Variants in GAS7 observed in about 807,000 individuals in gnomAD.
The protein encoded by GAS7 is growth arrest specific 7.
In GAS7, 28 loss-of-function variants were observed where a neutral mutation model predicts 71.1. The ratio of observed to expected loss-of-function variants is 0.39; its 90% CI spans 0.29 to 0.54. GAS7 has a LOEUF of 0.54. Among genes scored for constraint, GAS7 ranks in the 20% least tolerant of loss-of-function variants. The probability of loss-of-function intolerance (pLI) is 0.62; values close to 1 mark genes in which losing one functional copy is unlikely to be tolerated. For synonymous variants in GAS7, 258 were observed against 245.8 expected (o/e 1.05, Z -0.46); for missense variants, 436 against 627.8 (o/e 0.69, Z 3.27).
In GAS7 at chr17:10,039,063, G is replaced by A. The variant is rs969769587; in HGVS notation, c.184-19166C>T. On this transcript the variant is annotated intron_variant, in intron 1 of 13. Transcript: ENST00000432992. ...GGGCAGGGAATGATGGGAAGTTTGT[G>A]TTTAATGGGTCCAGAGTGTCACTGG... is the stretch of plus-strand genomic sequence containing the variant. 2.6e-5 allele frequency among the ~76,000 whole-genome samples: 4 copies of A among 152,048 alleles called. No homozygotes were observed. The East Asian group carries it at 7.7e-4, about 29-fold the overall frequency.
At chr17:10,124,283 C>G (rs1286427761) in intron 1 of GAS7, among the ~76,000 whole-genome samples, 1 of 152,258 alleles carries the variant, frequency 6.6e-6, no homozygotes, top group Non-Finnish European at 1.5e-5. Context: ...CCCTCCCTCA[C>G]TCTGCAAGAC....
chr17:10,056,459 C>T lies in GAS7; in HGVS notation c.184-36562G>A, dbSNP rs542760567. Among the ~76,000 whole-genome samples, 13 of 152,096 alleles carry T rather than the reference C, an allele frequency of 8.5e-5. No homozygotes were observed. In the East Asian group the frequency reaches 1.9e-3, roughly 23 times the overall value. ...GCAATGAACTATGAGCATGCCACTGCACTTCAGGCTGGGGAACAGAGTGAG... is the reference window on the plus strand; with the variant it reads ...GCAATGAACTATGAGCATGCCACTGTACTTCAGGCTGGGGAACAGAGTGAG... On this transcript the variant is annotated intron_variant, in intron 1 of 13. Transcript: ENST00000432992.
chr17:10,026,020 C>G lies in GAS7; in HGVS notation c.184-6123G>C, dbSNP rs1402447303. 5.1e-6 allele frequency: 1 copy of G among 197,962 alleles called. No individual in the cohort carries two copies. Among genetic ancestry groups the G allele is most frequent in the Non-Finnish European group, 9.0e-6 (1 of 111,020 alleles). 12.3% of individuals were successfully genotyped at this position (197,962 alleles called of 1,614,324 possible). On this transcript the variant is annotated intron_variant, in intron 1 of 13. Transcript: ENST00000432992. The surrounding 1 kb of genome is among the most constrained non-coding windows in gnomAD (Gnocchi z 4.5). ...GGAGGTTGTCTCTGCAGCCTCCAGG[C>G]AGTACAGACCCTGCTACTCCGCTCC...
At chr17:9,991,200 C>A (rs1432729422) in intron 2 of GAS7, among the ~76,000 whole-genome samples, 1 of 152,192 alleles carries the variant, frequency 6.6e-6, no homozygotes, top group Non-Finnish European at 1.5e-5. Context: ...CCTGCCTCAC[C>A]CCTCCTTTTG....
At chr17:9,967,565 G>T (rs944310340) in intron 4 of GAS7, among the ~76,000 whole-genome samples, 14 of 113,286 alleles carry the variant, frequency 1.2e-4, no homozygotes, top group African/African-American at 4.8e-4. Context: ...GATAAGTATA[G>T]ATTTCCTTCT....
intron 1 of GAS7, among the ~76,000 whole-genome samples, chr17:10,163,741 C>G (rs1000643967): frequency 7.9e-5 from 12 of 152,064 alleles, no homozygotes; most frequent in Non-Finnish European, 1.8e-4. Flanking sequence ...AGACTTTCCC[C>G]ATGGGGCGGC....
At chr17:10,087,807 T>C (rs1055366941) in intron 1 of GAS7, among the ~76,000 whole-genome samples, 3 of 151,884 alleles carry the variant, frequency 2.0e-5, no homozygotes, top group African/African-American at 7.3e-5. Context: ...TCTAAGAAAG[T>C]AAGCGAAAAT....
rs780963567 is a variant in GAS7 at position 9,917,952 on chromosome 17, C to A, written c.1317+49G>T. On this transcript the variant is annotated intron_variant, in intron 13 of 13. Coordinates refer to ENST00000432992, the MANE Select transcript of GAS7 (RefSeq NM_201433.2). Reference sequence around the variant, plus strand: ...TGCCACGGCCTAGCGCCAGGCGGCTCTCCCCAGGCCCCGTGTCGCCCGGGA... The same window carrying A: ...TGCCACGGCCTAGCGCCAGGCGGCTATCCCCAGGCCCCGTGTCGCCCGGGA... 1.3e-5 allele frequency: 18 copies of A among 1,353,956 alleles called. No homozygotes were observed. In the East Asian group the frequency reaches 4.1e-4, roughly 31 times the overall value. 83.9% of individuals were successfully genotyped at this position (1,353,956 alleles called of 1,614,324 possible).
At chr17:10,021,597 C>T (rs1362660674) in intron 1 of GAS7, among the ~76,000 whole-genome samples, 1 of 152,182 alleles carries the variant, frequency 6.6e-6, no homozygotes, top group East Asian at 1.9e-4. Flanking sequence ...CGTTTGATTC[C>T]GTATGGAAGA....
At chr17:10,067,390 G>A (rs1196462087) in intron 1 of GAS7, among the ~76,000 whole-genome samples, 3 of 152,072 alleles carry the variant, frequency 2.0e-5, no homozygotes, top group South Asian at 4.2e-4. Flanking sequence ...GACTATAGGC[G>A]CATGCCACCA....
At chr17:9,938,676 G>A (rs1057117583) in intron 8 of GAS7, among the ~76,000 whole-genome samples, 8 of 151,976 alleles carry the variant, frequency 5.3e-5, no homozygotes, top group Non-Finnish European at 1.2e-4. Context: ...ATAAATGTCT[G>A]TAGTTTCAGC....
chr17:9,939,886 G>A (rs1035895518), intron 8 of GAS7, among the ~76,000 whole-genome samples: 4 of 152,186 alleles, frequency 2.6e-5, no homozygotes, highest in African/African-American at 9.7e-5. Flanking sequence ...GGGATAATGG[G>A]TGTGAGCCAC....
chr17:10,181,699 C>G (rs539522946), intron 1 of GAS7, among the ~76,000 whole-genome samples: 19 of 152,104 alleles, frequency 1.2e-4, no homozygotes, highest in Non-Finnish European at 2.6e-4. Flanking sequence ...AGCAGAGTTC[C>G]GTGATCAAAC....
intron 2 of GAS7, among the ~76,000 whole-genome samples, chr17:10,005,148 TGCATGCATGTGTGTGCGCACG>T (rs2071442763): frequency 1.4e-5 from 1 of 72,712 alleles, no homozygotes; most frequent in Non-Finnish European, 4.1e-5. Flanking sequence ...CGCGCACGCA[TGCATGCATGTGTGTGCGCACG>T]CATGCATGTA....
At chr17:10,104,562 C>T (rs138861074) in intron 1 of GAS7, among the ~76,000 whole-genome samples, 10 of 152,282 alleles carry the variant, frequency 6.6e-5, no homozygotes, top group African/African-American at 2.4e-4. Context: ...ACCTATCATC[C>T]CTATGCTGAT....
intron 1 of GAS7, among the ~76,000 whole-genome samples, chr17:10,033,790 A>G (rs1414498915): frequency 6.6e-6 from 1 of 152,212 alleles, no homozygotes; most frequent in African/African-American, 2.4e-5. Context: ...AGTGGCCTGC[A>G]GGCACTGAAG....
chr17:9,967,532 T>C (rs2069769120), intron 4 of GAS7, among the ~76,000 whole-genome samples: 1 of 150,810 alleles, frequency 6.6e-6, no homozygotes, highest in African/African-American at 2.5e-5. Context: ...CAGTTTTCCT[T>C]CTAGTCCTTC....
chr17:9,994,004 CAAA>C (rs1254607820), intron 2 of GAS7, among the ~76,000 whole-genome samples: 1 of 148,502 alleles, frequency 6.7e-6, no homozygotes, highest in African/African-American at 2.5e-5. Flanking sequence ...AGGAGAACTA[CAAA>C]CCACTGCTCA....
In GAS7 at chr17:10,054,327, G is replaced by C. The variant is rs539500775; in HGVS notation, c.184-34430C>G. ...CTTAGCGCTGGTAACAGCAGAGATGGGTGGAGACTGCGCAAATTGGAAACC... is the reference window on the plus strand; with the variant it reads ...CTTAGCGCTGGTAACAGCAGAGATGCGTGGAGACTGCGCAAATTGGAAACC... On this transcript the variant is annotated intron_variant, in intron 1 of 13. Coordinates refer to ENST00000432992, the MANE Select transcript of GAS7 (RefSeq NM_201433.2). Among the ~76,000 whole-genome samples, 15 of 152,228 alleles carry C rather than the reference G, an allele frequency of 9.9e-5. 1 individual carries two copies. Among genetic ancestry groups the C allele is most frequent in the African/African-American group, 2.9e-4 (12 of 41,542 alleles).
Sources: allele counts gnomAD v4.1 joint callset (sites outside exome capture counted in the v4.1 genomes callset), GRCh38; gene constraint gnomAD v4.1.1; non-coding constraint Gnocchi (gnomAD v3.1); transcripts MANE v1.5; gene names NCBI Gene and HGNC (gene_info 2026-07-23, HGNC 2026-07-21).